GLTP: variants seen among roughly 807,000 people sequenced by gnomAD.
GLTP encodes the protein glycolipid transfer protein.
GLTP carries 22 observed loss-of-function variants against 24.0 expected under a neutral mutation model. That is an observed-to-expected ratio of 0.92 (90% CI 0.65 to 1.31). The LOEUF (loss-of-function observed/expected upper bound fraction) is 1.31, where lower values mean the gene tolerates loss of function less well. GLTP is among the 50% of genes most tolerant of loss of function. GLTP has a pLI of 0.00. For missense variants in GLTP, 224 were observed against 276.6 expected (o/e 0.81, Z 1.35); for synonymous variants, 92 against 115.9 (o/e 0.79, Z 1.33).
intron 1 of GLTP, among the ~76,000 whole-genome samples, chr12:109,874,477 A>G (rs975916939): frequency 6.6e-6 from 1 of 152,140 alleles, no homozygotes. Flanking sequence ...GGCATGAAGA[A>G]AAATCAACCC....
Position 109,855,377 on chromosome 12 carries a change from A to G in GLTP, c.447+242T>C, listed in dbSNP as rs1412257657. On this transcript the variant is annotated intron_variant, in intron 4 of 4. Transcript: ENST00000318348. This position sits in a 1 kb window ranked among gnomAD's most constrained non-coding sequence, Gnocchi z 4.1. ...TCAGGCCTTGCAGGCCAAGGCCCCTAAAGAGAAACACCGTGGAGTAGCTAC... is the reference window on the plus strand; with the variant it reads ...TCAGGCCTTGCAGGCCAAGGCCCCTGAAGAGAAACACCGTGGAGTAGCTAC... Among the ~76,000 whole-genome samples the G allele has an allele frequency of 3.3e-5, 5 of 152,144 alleles. No individual in the cohort carries two copies. Among genetic ancestry groups the G allele is most frequent in the Non-Finnish European group, 7.4e-5 (5 of 68,020 alleles).
chr12:109,877,638 C>T (rs1169488083), intron 1 of GLTP, among the ~76,000 whole-genome samples: 2 of 152,166 alleles, frequency 1.3e-5, no homozygotes, highest in African/African-American at 2.4e-5. Flanking sequence ...TGGAAAATCC[C>T]TGACTTGGAG....
Position 109,880,418 on chromosome 12 carries a change from G to GCGTCGACACCGCCCCCCCGGCCGCCGC in GLTP, c.-71_-45dup, listed in dbSNP as rs1869044273. Reference sequence around the variant, plus strand: ...GGTGATGCCCCAGCCGGCGCCGCGGGCGTCGACACCGCCCCCCCGGCCGCC... The same window carrying GCGTCGACACCGCCCCCCCGGCCGCCGC: ...GGTGATGCCCCAGCCGGCGCCGCGGGCGTCGACACCGCCCCCCCGGCCGCCGCCGTCGACACCGCCCCCCCGGCCGCC... On this transcript the variant is annotated 5_prime_UTR_variant, in exon 1 of 5. Coordinates refer to ENST00000318348, the MANE Select transcript of GLTP (RefSeq NM_016433.4). This position sits in a 1 kb window ranked among gnomAD's most constrained non-coding sequence, Gnocchi z 5.1. 1 of 1,013,430 alleles carries GCGTCGACACCGCCCCCCCGGCCGCCGC rather than the reference G, an allele frequency of 9.9e-7. No homozygotes were observed. The highest frequency in any genetic ancestry group is 1.3e-6 in the Non-Finnish European group (1 of 747,960). The allele number at this position is 1,013,430 out of a possible 1,614,324, so 62.8% of individuals were successfully genotyped here. A position where few individuals can be genotyped will look rare whatever the true frequency, so the allele number is the denominator to read the frequency against.
In GLTP at chr12:109,852,373, C is replaced by CAAAAAA. The variant is rs56313678; in HGVS notation, c.*176_*181dup. ...TATTTACTGGTCCTTTAGAATAGAC[C>CAAAAAA]AAAAAAAAAAAAAAAAAAGACTTAA... On this transcript the variant is annotated 3_prime_UTR_variant, in exon 5 of 5. Coordinates refer to ENST00000318348, the MANE Select transcript of GLTP (RefSeq NM_016433.4). 2,741 of 282,912 alleles carry CAAAAAA rather than the reference C, an allele frequency of 9.7e-3. 15 individuals carry two copies. The highest frequency in any genetic ancestry group is 0.02 in the African/African-American group (726 of 35,788). The allele number at this position is 282,912 out of a possible 1,614,324, so 17.5% of individuals were successfully genotyped here. A position where few individuals can be genotyped will look rare whatever the true frequency, so the allele number is the denominator to read the frequency against.
At chr12:109,879,090 G>C (rs923707223) in intron 1 of GLTP, among the ~76,000 whole-genome samples, 2 of 152,284 alleles carry the variant, frequency 1.3e-5, no homozygotes, top group South Asian at 4.1e-4. Flanking sequence ...AGGTGAAGGA[G>C]GGGAACTATA....
chr12:109,874,546 A>G (rs1485747235), intron 1 of GLTP, among the ~76,000 whole-genome samples: 4 of 152,108 alleles, frequency 2.6e-5, no homozygotes, highest in Admixed American at 6.6e-5. Flanking sequence ...CAGCTCTTCC[A>G]TCTCTAGACT....
At chr12:109,867,438 C>T (rs989874999) in intron 1 of GLTP, among the ~76,000 whole-genome samples, 7 of 152,142 alleles carry the variant, frequency 4.6e-5, no homozygotes, top group Admixed American at 1.3e-4. Context: ...CGTGAGCTAC[C>T]GTGCCCAGCC....
intron 1 of GLTP, among the ~76,000 whole-genome samples, chr12:109,864,783 A>G (rs1458976041): frequency 1.3e-5 from 2 of 152,176 alleles, no homozygotes; most frequent in African/African-American, 4.8e-5. Flanking sequence ...GGAAACCAGA[A>G]GACGATTTTA....
intron 1 of GLTP, among the ~76,000 whole-genome samples, chr12:109,869,163 G>A (rs1463575318): frequency 6.6e-6 from 1 of 151,820 alleles, no homozygotes; most frequent in Non-Finnish European, 1.5e-5. Context: ...AGTCGGGCAT[G>A]GTGGTGCACG....
intron 1 of GLTP, among the ~76,000 whole-genome samples, chr12:109,859,201 C>T (rs767823632): frequency 1.3e-5 from 2 of 152,128 alleles, no homozygotes; most frequent in East Asian, 1.9e-4. Flanking sequence ...AATACAGGCA[C>T]GCACCATCAT....
Position 109,857,828 on chromosome 12 carries a change from A to T in GLTP, c.163-169T>A. The T allele has an allele frequency of 1.5e-6, 1 of 679,174 alleles. No individual in the cohort carries two copies. Among genetic ancestry groups the T allele is most frequent in the Non-Finnish European group, 2.5e-6 (1 of 392,592 alleles). 42.1% of individuals were successfully genotyped at this position (679,174 alleles called of 1,614,324 possible). A position where few individuals can be genotyped will look rare whatever the true frequency, so the allele number is the denominator to read the frequency against. On this transcript the variant is annotated intron_variant, in intron 2 of 4. Transcript: ENST00000318348. This position sits in a 1 kb window ranked among gnomAD's most constrained non-coding sequence, Gnocchi z 4.3. ...ACTATGACTGTTCACATGAGCCAGGATTTGCAAAATGCTTTACAGGCACTA... is the reference window on the plus strand; with the variant it reads ...ACTATGACTGTTCACATGAGCCAGGTTTTGCAAAATGCTTTACAGGCACTA...
chr12:109,877,601 A>G (rs959727625), intron 1 of GLTP, among the ~76,000 whole-genome samples: 2 of 152,196 alleles, frequency 1.3e-5, no homozygotes, highest in African/African-American at 4.8e-5. Flanking sequence ...AGAATGAGCC[A>G]GCCCCAAATG....
At chr12:109,858,397 T>C (rs1892829406) in intron 2 of GLTP, among the ~76,000 whole-genome samples, 1 of 152,176 alleles carries the variant, frequency 6.6e-6, no homozygotes, top group African/African-American at 2.4e-5. Context: ...TGGAGCTTAC[T>C]TACTTGGTGG....
rs756097412 is a variant in GLTP, at chr12:109,851,745, C to G, written c.*810G>C. 1 of 151,838 alleles carries G rather than the reference C, an allele frequency of 6.6e-6. No homozygotes were observed. Among genetic ancestry groups the G allele is most frequent in the East Asian group, 1.9e-4 (1 of 5,180 alleles). 9.4% of individuals were successfully genotyped at this position (151,838 alleles called of 1,614,324 possible). The stretch of plus-strand genomic sequence containing the variant: ...CCTCCCAAGAAGATGGGATTACAGG[C>G]GTGCGCTACCATGCCTGGCTAATTC... On this transcript the variant is annotated 3_prime_UTR_variant, in exon 5 of 5. Transcript: ENST00000318348.
chr12:109,859,466 G>A (rs780593041), intron 1 of GLTP, among the ~76,000 whole-genome samples: 1 of 152,118 alleles, frequency 6.6e-6, no homozygotes, highest in Non-Finnish European at 1.5e-5. Flanking sequence ...TTGTAGTGAG[G>A]GGAGATCACG....
rs139256724 is a variant in GLTP, at chr12:109,857,023, G to T, written c.296+503C>A. Among the ~76,000 whole-genome samples, 747 of 152,228 alleles carry T rather than the reference G, an allele frequency of 4.9e-3. 4 individuals carry two copies. Among genetic ancestry groups the T allele is most frequent in the African/African-American group, 0.017 (715 of 41,530 alleles). On this transcript the variant is annotated intron_variant, in intron 3 of 4. Coordinates refer to ENST00000318348, the MANE Select transcript of GLTP (RefSeq NM_016433.4). The surrounding 1 kb of genome is among the most constrained non-coding windows in gnomAD (Gnocchi z 4.3). ...CACTCCAGCCTGGGTAACAGAACGG[G>T]ATTCTAAAAATAAAAAATAGAAGAA...
Position 109,852,415 on chromosome 12 carries a change from C to T in GLTP, c.*140G>A, listed in dbSNP as rs1484368544. ...AAGACTTAAAAAACGAGGGCTGTCC[C>T]CTGCAGACTCTGGCAGGACCCTGGG... On this transcript the variant is annotated 3_prime_UTR_variant, in exon 5 of 5. Transcript: ENST00000318348. The T allele has an allele frequency of 6.8e-6, 4 of 590,126 alleles. No homozygotes were observed. Among genetic ancestry groups the T allele is most frequent in the Non-Finnish European group, 1.2e-5 (4 of 327,796 alleles). 36.6% of individuals were successfully genotyped at this position (590,126 alleles called of 1,614,324 possible).
chr12:109,866,767 T>G (rs1230687500), intron 1 of GLTP, among the ~76,000 whole-genome samples: 1 of 151,214 alleles, frequency 6.6e-6, no homozygotes, highest in Non-Finnish European at 1.5e-5. Flanking sequence ...ATCTTTTTTT[T>G]TTTTTTTTTT....
At chr12:109,861,916 C>T (rs1868377378) in intron 1 of GLTP, among the ~76,000 whole-genome samples, 1 of 152,208 alleles carries the variant, frequency 6.6e-6, no homozygotes, top group Non-Finnish European at 1.5e-5. Context: ...GAACCTCCAT[C>T]GAGTGGGACT....
Sources: gnomAD v4.1 joint callset for allele counts (sites outside exome capture counted in the v4.1 genomes callset) on GRCh38, gnomAD v4.1.1 for gene constraint, Gnocchi (gnomAD v3.1) non-coding constraint, MANE v1.5 for transcripts, NCBI Gene and HGNC (gene_info 2026-07-23, HGNC 2026-07-21) for gene names.